Variants in SHC2 observed in about 807,000 individuals in gnomAD.
SHC2 encodes SHC-transforming protein 2.
Under a neutral mutation model 60.6 loss-of-function variants are expected in SHC2, and 62 were observed. That is an observed-to-expected ratio of 1.02 (90% CI 0.83 to 1.26). SHC2 has a LOEUF of 1.26. SHC2 is among the 50% of genes most tolerant of loss of function. The pLI is 0.00. For missense variants in SHC2, 873 were observed against 822.2 expected, an observed-to-expected ratio of 1.06 and a Z score of -0.76; for synonymous variants, 375 against 372.4, an observed-to-expected ratio of 1.01 and a Z score of -0.08.
intron 1 of SHC2, among the ~76,000 whole-genome samples, chr19:451,972 C>T (rs1975211697): frequency 6.6e-6 from 1 of 152,186 alleles, no homozygotes; most frequent in African/African-American, 2.4e-5. Flanking sequence ...TGACTCCAGC[C>T]GTGGTGTCGG....
chr19:448,793 G>A (rs1453694610), intron 1 of SHC2, among the ~76,000 whole-genome samples: 2 of 152,162 alleles, frequency 1.3e-5, no homozygotes, highest in East Asian at 1.9e-4. Context: ...CAGCCGGTGT[G>A]CACTCTTCAA....
intron 9 of SHC2, 96 bp downstream of exon 9, chr19:430,588 C>G (rs146590514): frequency 9.9e-5 from 89 of 899,140 alleles, no homozygotes; most frequent in South Asian, 8.0e-5. Flanking sequence ...GTGAAATAAG[C>G]AGAGAGGAGA....
Position 441,113 on chromosome 19 carries a change from C to A in SHC2, c.469-181G>T, listed in dbSNP as rs983706683. The A allele has an allele frequency of 1.0e-6, 1 of 984,854 alleles. No homozygotes were observed. Among genetic ancestry groups the A allele is most frequent in the East Asian group, 1.1e-4 (1 of 8,782 alleles). 61.0% of individuals were successfully genotyped at this position (984,854 alleles called of 1,614,324 possible). A position where few individuals can be genotyped will look rare whatever the true frequency, so the allele number is the denominator to read the frequency against. ...AAGGCCCAGCCTTGACACTGTCCTGCGAGCCGCCCCCTCTGACTCCAGGCA... is the reference window on the plus strand; with the variant it reads ...AAGGCCCAGCCTTGACACTGTCCTGAGAGCCGCCCCCTCTGACTCCAGGCA... On this transcript the variant is annotated intron_variant, in intron 1 of 12. Transcript: ENST00000264554. This position sits in a 1 kb window ranked among gnomAD's most constrained non-coding sequence, Gnocchi z 4.9.
At chr19:423,872 T>G (rs1974343666) in intron 10 of SHC2, among the ~76,000 whole-genome samples, 1 of 152,192 alleles carries the variant, frequency 6.6e-6, no homozygotes, top group Admixed American at 6.5e-5. Context: ...CTGGTCACCC[T>G]GAGGGACAGC....
At chr19:435,762 A>G (rs1196136220) in intron 7 of SHC2, 2 of 181,316 alleles carry the variant, frequency 1.1e-5, no homozygotes, top group South Asian at 1.5e-4. Flanking sequence ...CGTGGCATTC[A>G]CACTTCAATG....
At position 422,488 on chromosome 19, in the gene SHC2, CA is replaced by C. The variant is rs1365102459; in HGVS notation, c.1310-33del. ...GCCAGGGACAGGAGTGCTGGGCAGG[CA>C]GGGGGCAAGCAGCTACTCCTGCCGG... On this transcript the variant is annotated intron_variant, in intron 10 of 12. Transcript: ENST00000264554. The surrounding 1 kb of genome is among the most constrained non-coding windows in gnomAD (Gnocchi z 5.0). 8.8e-6 allele frequency: 13 copies of C among 1,470,390 alleles called. No individual in the cohort carries two copies. Among genetic ancestry groups the C allele is most frequent in the Non-Finnish European group, 1.1e-5 (12 of 1,105,120 alleles). The allele number at this position is 1,470,390 out of a possible 1,614,324, so 91.1% of individuals were successfully genotyped here.
intron 1 of SHC2, among the ~76,000 whole-genome samples, chr19:454,782 C>T (rs1259471795): frequency 1.5e-5 from 2 of 133,172 alleles, no homozygotes; most frequent in Non-Finnish European, 3.4e-5. Context: ...AAGAGGGAAA[C>T]TCTGTCTCAA....
rs80129929 is a variant in SHC2 at position 424,531 on chromosome 19, C to T, written c.1309+566G>A. ...GGATTCCCACAGAGAAAAGACGAGG[C>T]CTCCCCTCTCAGACTAAGGAGTCCC... On this transcript the variant is annotated intron_variant, in intron 10 of 12. Coordinates refer to ENST00000264554, the MANE Select transcript of SHC2 (RefSeq NM_012435.3). The surrounding 1 kb of genome is among the most constrained non-coding windows in gnomAD (Gnocchi z 4.5). Among the ~76,000 whole-genome samples the T allele has an allele frequency of 0.033, 5,081 of 152,254 alleles. 183 individuals carry two copies. Among genetic ancestry groups the T allele is most frequent in the South Asian group, 0.19 (927 of 4,810 alleles).
intron 9 of SHC2, 74 bp downstream of exon 9, chr19:430,610 G>A: frequency 8.4e-7 from 1 of 1,188,412 alleles, no homozygotes. Flanking sequence ...AGACTGAGGG[G>A]GAGCCAGCAC....
chr19:454,198 C>T (rs2145753745), intron 1 of SHC2, among the ~76,000 whole-genome samples: 1 of 152,338 alleles, frequency 6.6e-6, no homozygotes, highest in East Asian at 1.9e-4. Context: ...CAGGCCACAC[C>T]TCGAGGCCCA....
rs1974678014 is a variant in SHC2, at chr19:434,789, CCGG to C, written c.1027_1029del (p.Pro343del). ...AGCCCGCCCAGCGGCGGCTCCTTCC[CCGG>C]GATGCTGTTGTAGTAATTGTGCTCC... On this transcript the variant is annotated inframe_deletion, in exon 8 of 13. Coordinates refer to ENST00000264554, the MANE Select transcript of SHC2 (RefSeq NM_012435.3). 6.2e-7 allele frequency: 1 copy of C among 1,612,910 alleles called. No homozygotes were observed. Among genetic ancestry groups the C allele is most frequent in the East Asian group, 2.2e-5 (1 of 44,862 alleles).
chr19:435,862 G>A (rs1044141022), intron 7 of SHC2: 4 of 340,814 alleles, frequency 1.2e-5, no homozygotes, highest in East Asian at 1.0e-4. Flanking sequence ...TGCCCATTGC[G>A]GGAGCCGGCC....
chr19:457,318 T>C (rs1239201316), intron 1 of SHC2, among the ~76,000 whole-genome samples: 1 of 129,238 alleles, frequency 7.7e-6, no homozygotes, highest in African/African-American at 3.6e-5. Context: ...GTACCCCCCC[T>C]AGATCTCTGT....
intron 9 of SHC2, among the ~76,000 whole-genome samples, chr19:428,826 T>G (rs1028748778): frequency 6.6e-6 from 1 of 151,994 alleles, no homozygotes; most frequent in Non-Finnish European, 1.5e-5. Context: ...CACAGAAACC[T>G]AATACTGTGT....
chr19:439,369 T>C (rs117005537), intron 2 of SHC2: 3,643 of 355,342 alleles, frequency 0.01, 29 homozygotes, highest in Non-Finnish European at 0.015. Flanking sequence ...AGTGTGTCCC[T>C]GGCCTCGGCC....
chr19:447,797 T>C (rs1975086090), intron 1 of SHC2, among the ~76,000 whole-genome samples: 1 of 152,040 alleles, frequency 6.6e-6, no homozygotes, highest in Non-Finnish European at 1.5e-5. Context: ...ATTAAAAAAT[T>C]ATATGAGAAA....
intron 9 of SHC2, among the ~76,000 whole-genome samples, chr19:427,222 G>A (rs1269443790): frequency 2.0e-5 from 3 of 152,156 alleles, no homozygotes; most frequent in Non-Finnish European, 2.9e-5. Context: ...TAGCAAGGCT[G>A]TTAGGAAACA....
Position 424,688 on chromosome 19 carries a change from C to T in SHC2, c.1309+409G>A, listed in dbSNP as rs1974364454. Among the ~76,000 whole-genome samples, 1 of 152,166 alleles carries T rather than the reference C, an allele frequency of 6.6e-6. No homozygotes were observed. Among genetic ancestry groups the T allele is most frequent in the African/African-American group, 2.4e-5 (1 of 41,434 alleles). ...TTCAGACCGGGGGTTCCGACAGAGGCAGGTGGGTTACCCCCGAGAGAGTGG... is the reference window on the plus strand; with the variant it reads ...TTCAGACCGGGGGTTCCGACAGAGGTAGGTGGGTTACCCCCGAGAGAGTGG... On this transcript the variant is annotated intron_variant, in intron 10 of 12. Transcript: ENST00000264554. This position sits in a 1 kb window ranked among gnomAD's most constrained non-coding sequence, Gnocchi z 4.5.
intron 1 of SHC2, among the ~76,000 whole-genome samples, chr19:449,191 A>G (rs1429345553): frequency 6.6e-6 from 1 of 151,672 alleles, no homozygotes; most frequent in South Asian, 2.1e-4. Context: ...TAAATAAAAT[A>G]AAAATTAGCT....
Sources: allele counts gnomAD v4.1 joint callset (sites outside exome capture counted in the v4.1 genomes callset), GRCh38; gene constraint gnomAD v4.1.1; non-coding constraint Gnocchi (gnomAD v3.1); transcripts MANE v1.5; gene names NCBI Gene and HGNC (gene_info 2026-07-23, HGNC 2026-07-21).